Variants in STK3 observed in about 807,000 individuals in gnomAD.
STK3 encodes serine/threonine kinase 3.
Under a neutral mutation model 58.0 loss-of-function variants are expected in STK3, and 41 were observed. The observed-to-expected ratio is 0.71, with a 90% CI of 0.55 to 0.92. The LOEUF (loss-of-function observed/expected upper bound fraction) is 0.92. Among genes scored for constraint, STK3 ranks in the 40% least tolerant of loss-of-function variants. The pLI is 0.00. For synonymous variants in STK3, 170 were observed against 191.0 expected, an observed-to-expected ratio of 0.89 and a Z score of 0.91; for missense variants, 479 against 602.7, an observed-to-expected ratio of 0.79 and a Z score of 2.15.
chr8:98,413,732 C>A lies in STK3; in HGVS notation n.484-12219G>T, dbSNP rs1295756960. ...CCGTTCTTTTCTGTTGAAGAGTTGGCACCTTGGTCAGGTCATGCCTGACCC... is the reference window on the plus strand; with the variant it reads ...CCGTTCTTTTCTGTTGAAGAGTTGGAACCTTGGTCAGGTCATGCCTGACCC... On this transcript the variant is annotated intron_variant and non_coding_transcript_variant, in intron 3 of 3. Coordinates refer to the STK3 transcript ENST00000517832. 9 of 818,150 alleles carry A rather than the reference C, an allele frequency of 1.1e-5. No homozygotes were observed. The East Asian group carries it at 2.5e-4, about 22-fold the overall frequency. 50.7% of individuals were successfully genotyped at this position (818,150 alleles called of 1,614,324 possible).
chr8:98,777,302 G>A (rs530637502), intron 1 of STK3, among the ~76,000 whole-genome samples: 41 of 152,254 alleles, frequency 2.7e-4, no homozygotes, highest in African/African-American at 9.6e-4. Flanking sequence ...CGAGGTAGGC[G>A]TATCCTTTGA....
At chr8:98,363,140 G>A in the STK3 span, among the ~76,000 whole-genome samples, 11 of 152,142 alleles carry the variant, frequency 7.2e-5, no homozygotes, top group African/African-American at 2.7e-4. Context: ...ATGGAGCAGG[G>A]TCTTTGAAGA....
downstream of STK3, among the ~76,000 whole-genome samples, chr8:98,399,638 T>C (rs1184465705): frequency 1.3e-5 from 2 of 152,216 alleles, no homozygotes; most frequent in African/African-American, 4.8e-5. Flanking sequence ...GAGGTAAAAT[T>C]AGACGATCTC....
intron 2 of STK3, among the ~76,000 whole-genome samples, chr8:98,375,283 A>C (rs796163052): frequency 1.5e-4 from 15 of 98,824 alleles, no homozygotes; most frequent in African/African-American, 3.1e-4. Flanking sequence ...AAAAAAAACA[A>C]AAAAAAAAAC....
At chr8:98,546,650 T>A (rs2131579054) in intron 9 of STK3, among the ~76,000 whole-genome samples, 1 of 152,248 alleles carries the variant, frequency 6.6e-6, no homozygotes, top group African/African-American at 2.4e-5. Context: ...CTGGAGGCCA[T>A]AAGACCATCC....
downstream of STK3, among the ~76,000 whole-genome samples, chr8:98,366,718 C>A (rs1369654979): frequency 6.6e-6 from 1 of 152,114 alleles, no homozygotes; most frequent in Non-Finnish European, 1.5e-5. Flanking sequence ...CCTGCTCCAC[C>A]CACCCCCACC....
At chr8:98,471,848 G>A (rs573630426) in intron 10 of STK3, among the ~76,000 whole-genome samples, 1 of 152,274 alleles carries the variant, frequency 6.6e-6, no homozygotes, top group Admixed American at 6.5e-5. Context: ...GGGAGAAAAT[G>A]TTCCTCTGAA....
chr8:98,494,273 C>G (rs975338256), intron 10 of STK3, among the ~76,000 whole-genome samples: 1 of 152,242 alleles, frequency 6.6e-6, no homozygotes. Flanking sequence ...ACTGCAGCAC[C>G]ATTTTTTCCA....
chr8:98,903,542 T>TTCTTCTTCTTCC (rs1564093522), intron 1 of STK3, among the ~76,000 whole-genome samples: 4 of 25,728 alleles, frequency 1.6e-4, no homozygotes, highest in African/African-American at 4.4e-4. Context: ...CTTCTTCTTC[T>TTCTTCTTCTTCC]TCTTCTTCTT....
At chr8:98,922,923 C>T (rs1468146364) in intron 1 of STK3, among the ~76,000 whole-genome samples, 1 of 152,058 alleles carries the variant, frequency 6.6e-6, no homozygotes, top group Non-Finnish European at 1.5e-5. Flanking sequence ...TTAGCAAACC[C>T]TTTTTATGAA....
chr8:98,610,576 C>A (rs1292529226), intron 6 of STK3, among the ~76,000 whole-genome samples: 1 of 152,208 alleles, frequency 6.6e-6, no homozygotes, highest in Admixed American at 6.5e-5. Flanking sequence ...ATATGCCACC[C>A]TTGCAATAGC....
chr8:98,897,557 T>G (rs1838502104), intron 1 of STK3, among the ~76,000 whole-genome samples: 1 of 152,158 alleles, frequency 6.6e-6, no homozygotes. Context: ...ATCGTGCCAC[T>G]GGACTCCATC....
At chr8:98,723,021 T>C (rs1452826915) in intron 4 of STK3, 1 of 350,126 alleles carries the variant, frequency 2.9e-6, no homozygotes, top group Non-Finnish European at 5.6e-6. Context: ...GAATACAAAA[T>C]ATTTTATCAA....
chr8:98,818,554 G>GTA (rs1202984641), intron 1 of STK3, among the ~76,000 whole-genome samples: 1 of 151,904 alleles, frequency 6.6e-6, no homozygotes, highest in African/African-American at 2.4e-5. Flanking sequence ...GTGTGTGTGT[G>GTA]TGTGTGTGTG....
chr8:98,649,149 T>C (rs4734410), intron 6 of STK3, among the ~76,000 whole-genome samples: 47,919 of 151,962 alleles, frequency 0.32, 7,894 homozygotes, highest in Admixed American at 0.43. Flanking sequence ...TATTGGGATT[T>C]GCATTTCTGT....
At chr8:98,587,593 T>C (rs1039802223) in intron 7 of STK3, among the ~76,000 whole-genome samples, 1 of 152,062 alleles carries the variant, frequency 6.6e-6, no homozygotes, top group East Asian at 1.9e-4. Flanking sequence ...GGATGGAGAG[T>C]TCTGTAGATG....
chr8:98,542,156 A>G (rs1006164995), intron 9 of STK3, among the ~76,000 whole-genome samples: 1 of 152,234 alleles, frequency 6.6e-6, no homozygotes, highest in African/African-American at 2.4e-5. Flanking sequence ...GGCCTGTAGT[A>G]GGAGCTCAAT....
At chr8:98,355,049 G>A in the STK3 span, among the ~76,000 whole-genome samples, 1 of 152,178 alleles carries the variant, frequency 6.6e-6, no homozygotes, top group Non-Finnish European at 1.5e-5. Context: ...CCAAAGTGCT[G>A]GGATTACAGG....
chr8:98,933,292 A>G (rs1414795017), intron 1 of STK3, among the ~76,000 whole-genome samples: 1 of 152,148 alleles, frequency 6.6e-6, no homozygotes, highest in Non-Finnish European at 1.5e-5. Flanking sequence ...GTATGTGGGG[A>G]GTTGATAAAA....
Sources: allele counts gnomAD v4.1 joint callset (sites outside exome capture counted in the v4.1 genomes callset), GRCh38; gene constraint gnomAD v4.1.1; transcripts MANE v1.5; gene names NCBI Gene and HGNC (gene_info 2026-07-23, HGNC 2026-07-21).